The following OPCML variants were observed in gnomAD, a reference collection of about 807,000 sequenced individuals.
OPCML encodes the protein opioid-binding protein/cell adhesion molecule.
A neutral mutation model predicts 37.8 loss-of-function variants in OPCML; 13 were observed. The ratio of observed to expected loss-of-function variants is 0.34; its 90% CI spans 0.22 to 0.55. OPCML has a LOEUF of 0.55. Among genes scored for constraint, OPCML ranks in the 20% least tolerant of loss-of-function variants. The pLI, the probability that OPCML is intolerant of heterozygous loss-of-function variation, is 0.91. For missense variants in OPCML, 341 were observed against 435.6 expected, an observed-to-expected ratio of 0.78 and a Z score of 1.93; for synonymous variants, 176 against 168.8, an observed-to-expected ratio of 1.04 and a Z score of -0.33.
chr11:132,487,863 G>A (rs1047342466), intron 4 of OPCML, among the ~76,000 whole-genome samples: 7 of 152,256 alleles, frequency 4.6e-5, no homozygotes, highest in South Asian at 2.1e-4. Context: ...TTTCTAATAT[G>A]CATTTTAGTT....
At chr11:133,385,866 A>G (rs1945035901) in intron 1 of OPCML, among the ~76,000 whole-genome samples, 1 of 151,858 alleles carries the variant, frequency 6.6e-6, no homozygotes, top group South Asian at 2.1e-4. Flanking sequence ...AGTAACAGCA[A>G]GTTGGCTCCA....
chr11:132,477,964 T>C (rs957353816), intron 4 of OPCML, among the ~76,000 whole-genome samples: 6 of 152,212 alleles, frequency 3.9e-5, no homozygotes, highest in Admixed American at 2.6e-4. Context: ...TCTGAGATAA[T>C]AGCAAATAGA....
intron 3 of OPCML, among the ~76,000 whole-genome samples, chr11:132,598,099 A>G (rs1409188623): frequency 6.6e-6 from 1 of 152,098 alleles, no homozygotes; most frequent in African/African-American, 2.4e-5. Flanking sequence ...ATTATTAAAC[A>G]TATACCAAGT....
At chr11:133,180,682 C>T (rs937765950) in intron 1 of OPCML, among the ~76,000 whole-genome samples, 4 of 152,002 alleles carry the variant, frequency 2.6e-5, no homozygotes, top group Non-Finnish European at 5.9e-5. Flanking sequence ...GAGCGTCCTA[C>T]CTTGCTTTCC....
chr11:132,444,533 C>T lies in OPCML; in HGVS notation c.506-7174G>A, dbSNP rs1006336264. 3.3e-5 allele frequency among the ~76,000 whole-genome samples: 5 copies of T among 152,210 alleles called. 1 individual carries two copies. The highest frequency in any genetic ancestry group is 7.3e-5 in the Non-Finnish European group (5 of 68,038). On this transcript the variant is annotated intron_variant, in intron 4 of 7. Transcript: ENST00000524381. The stretch of plus-strand genomic sequence containing the variant: ...GTCCATTGTCCAAGTTGCAAGCACC[C>T]TGAGTAGATGTCACATCTTCTACTT...
In OPCML at chr11:133,390,447, A is replaced by G. The variant is rs1945149819; in HGVS notation, c.61+141817T>C. 2.0e-5 allele frequency among the ~76,000 whole-genome samples: 3 copies of G among 152,240 alleles called. No homozygotes were observed. The South Asian group carries it at 6.2e-4, about 32-fold the overall frequency. ...CACTGCACTCCAGCCCGGGTGACAG[A>G]ACAAGACTCCATCTCAACAAAAACA... On this transcript the variant is annotated intron_variant, in intron 1 of 7. Transcript: ENST00000524381.
intron 2 of OPCML, among the ~76,000 whole-genome samples, chr11:132,770,865 T>C (rs147338502): frequency 6.6e-6 from 1 of 152,210 alleles, no homozygotes; most frequent in East Asian, 1.9e-4. Context: ...GCAGGGATGA[T>C]GAGCGGTTCT....
At position 133,206,857 on chromosome 11, in the gene OPCML, C is replaced by T. The variant is rs991679882; in HGVS notation, c.62-263847G>A. ...CACGATGTCCACACAGCTACGGTGA[C>T]CTATTCATGTCTTAGGACGGGTAGG... On this transcript the variant is annotated intron_variant, in intron 1 of 7. Transcript: ENST00000524381. This position sits in a 1 kb window ranked among gnomAD's most constrained non-coding sequence, Gnocchi z 4.7. Among the ~76,000 whole-genome samples the T allele has an allele frequency of 3.9e-5, 6 of 152,276 alleles. No homozygotes were observed. The highest frequency in any genetic ancestry group is 4.1e-4 in the South Asian group (2 of 4,824).
At chr11:133,198,251 T>C (rs1185461184) in intron 1 of OPCML, among the ~76,000 whole-genome samples, 1 of 152,250 alleles carries the variant, frequency 6.6e-6, no homozygotes, top group Non-Finnish European at 1.5e-5. Flanking sequence ...TGGGGAGATG[T>C]GTTTTCATAG....
intron 2 of OPCML, among the ~76,000 whole-genome samples, chr11:132,713,016 T>G (rs1591502269): frequency 6.6e-6 from 1 of 152,240 alleles, no homozygotes; most frequent in African/African-American, 2.4e-5. Flanking sequence ...GAGGGCGCTT[T>G]CCACACCCCA....
At chr11:133,421,677 A>G (rs895892475) in intron 1 of OPCML, 3 of 985,412 alleles carry the variant, frequency 3.0e-6, no homozygotes, top group Non-Finnish European at 3.6e-6. Context: ...CCCTTTATTT[A>G]TTGAAACTTG....
intron 1 of OPCML, among the ~76,000 whole-genome samples, chr11:133,458,159 TATATAC>T (rs1157116421): frequency 2.0e-5 from 3 of 149,100 alleles, no homozygotes; most frequent in African/African-American, 7.5e-5. Flanking sequence ...AAAAAATATA[TATATAC>T]ATATACATAT....
At chr11:133,381,345 A>G (rs546369358) in intron 1 of OPCML, among the ~76,000 whole-genome samples, 1 of 152,366 alleles carries the variant, frequency 6.6e-6, no homozygotes, top group African/African-American at 2.4e-5. Context: ...CAAGATTGAA[A>G]AGTATGTTTC....
intron 1 of OPCML, among the ~76,000 whole-genome samples, chr11:133,443,224 G>A (rs969851400): frequency 2.0e-5 from 3 of 152,164 alleles, no homozygotes; most frequent in Admixed American, 6.5e-5. Flanking sequence ...GATTCAGGGT[G>A]CTTGAAAGAG....
intron 3 of OPCML, among the ~76,000 whole-genome samples, chr11:132,609,982 C>G (rs1274484413): frequency 6.8e-6 from 1 of 147,298 alleles, no homozygotes; most frequent in Non-Finnish European, 1.5e-5. Context: ...CTCTAATAAC[C>G]ATCACACACA....
At position 132,463,965 on chromosome 11, in the gene OPCML, C is replaced by T. The variant is rs540497217; in HGVS notation, c.506-26606G>A. Among the ~76,000 whole-genome samples the T allele has an allele frequency of 3.7e-4, 57 of 152,336 alleles. No homozygotes were observed. The South Asian group carries it at 8.3e-3, about 22-fold the overall frequency. The stretch of plus-strand genomic sequence containing the variant: ...TAACTGCTTTGAGACTCAGTTTCTT[C>T]ATCCTGTAAATGGAAATAATATTAT... On this transcript the variant is annotated intron_variant, in intron 4 of 7. Coordinates refer to ENST00000524381, the MANE Select transcript of OPCML (RefSeq NM_001012393.5).
intron 1 of OPCML, among the ~76,000 whole-genome samples, chr11:133,074,066 C>G (rs1436119069): frequency 6.6e-6 from 1 of 152,196 alleles, no homozygotes; most frequent in Non-Finnish European, 1.5e-5. Flanking sequence ...GAATCTCATT[C>G]ATTATTTGCC....
chr11:132,450,918 TAGTC>T (rs1181836202), intron 4 of OPCML, among the ~76,000 whole-genome samples: 3 of 152,318 alleles, frequency 2.0e-5, no homozygotes, highest in Non-Finnish European at 4.4e-5. Context: ...TAATTTTCGA[TAGTC>T]AGTAGCTGTT....
chr11:133,423,535 A>G, intron 1 of OPCML: 2 of 957,378 alleles, frequency 2.1e-6, no homozygotes, highest in Non-Finnish European at 2.5e-6. Flanking sequence ...CCTAACGAGA[A>G]GTCCTCAAAG....
Sources: allele counts gnomAD v4.1 joint callset (sites outside exome capture counted in the v4.1 genomes callset), GRCh38; gene constraint gnomAD v4.1.1; non-coding constraint Gnocchi (gnomAD v3.1); transcripts MANE v1.5; gene names NCBI Gene and HGNC (gene_info 2026-07-23, HGNC 2026-07-21).